Variants in ETFRF1 observed in about 807,000 individuals in gnomAD.
The protein encoded by ETFRF1 is electron transfer flavoprotein regulatory factor 1.
A neutral mutation model predicts 9.0 loss-of-function variants in ETFRF1; 12 were observed. That is an observed-to-expected ratio of 1.34 (90% CI 0.86 to 2.16). The LOEUF (loss-of-function observed/expected upper bound fraction) is 2.16. Ranked by LOEUF, ETFRF1 falls within the 30% of genes most tolerant of loss-of-function variation. The pLI is 0.00. For synonymous variants in ETFRF1, 34 were observed against 33.2 expected, an observed-to-expected ratio of 1.02 and a Z score of -0.08; for missense variants, 98 against 101.8, an observed-to-expected ratio of 0.96 and a Z score of 0.16.
chr12:25,200,987 C>T (rs1224296438), intron 1 of ETFRF1, among the ~76,000 whole-genome samples: 2 of 152,212 alleles, frequency 1.3e-5, no homozygotes, highest in Non-Finnish European at 2.9e-5. Context: ...ACATTATGCC[C>T]AGGCAAGCCT....
At chr12:25,204,060 G>A in intron 2 of ETFRF1, 31 bp from the exon 3 acceptor site, 3 of 1,547,738 alleles carry the variant, frequency 1.9e-6, no homozygotes, top group Non-Finnish European at 2.6e-6. Flanking sequence ...GACATGGATT[G>A]TTTAGAAATA....
chr12:25,202,063 C>CAAAAAAAAAAAAAAAAAAAAAAAAAAA lies in ETFRF1; in HGVS notation c.-37-1837_-37-1836insAAAAAAAAAAAAAAAAAAAAAAAAAAA, dbSNP rs149050811. On this transcript the variant is annotated intron_variant, in intron 1 of 2. Transcript: ENST00000381356. ...GTGAAACCCCGTCTCTACTGAAATA[C>CAAAAAAAAAAAAAAAAAAAAAAAAAAA]AAAAAAAAAAAAAAAAAAAATTAGC... Among the ~76,000 whole-genome samples, 16 of 52,810 alleles carry CAAAAAAAAAAAAAAAAAAAAAAAAAAA rather than the reference C, an allele frequency of 3.0e-4. 3 individuals are homozygous for CAAAAAAAAAAAAAAAAAAAAAAAAAAA. The highest frequency in any genetic ancestry group is 1.7e-3 in the South Asian group (2 of 1,168). The allele number at this position is 52,810 out of a possible 152,430, so 34.6% of individuals were successfully genotyped here. A position where few individuals can be genotyped will look rare whatever the true frequency, so the allele number is the denominator to read the frequency against.
chr12:25,201,938 C>T (rs1292013267), intron 1 of ETFRF1, among the ~76,000 whole-genome samples: 1 of 151,400 alleles, frequency 6.6e-6, no homozygotes, highest in Non-Finnish European at 1.5e-5. Context: ...ATATAAGTTG[C>T]GGCCGGGCAC....
chr12:25,195,257 C>A lies in ETFRF1; in HGVS notation c.-118C>A, dbSNP rs1009089182. 5.9e-6 allele frequency: 4 copies of A among 675,178 alleles called. No individual in the cohort carries two copies. Among genetic ancestry groups the A allele is most frequent in the Non-Finnish European group, 7.9e-6 (3 of 378,262 alleles). The allele number at this position is 675,178 out of a possible 1,614,324, so 41.8% of individuals were successfully genotyped here. ...CCTTTACTGACAGGTTGCCCACCTCCCCCAACGCCACCCCGCTTCGCAGTA... is the reference window on the plus strand; with the variant it reads ...CCTTTACTGACAGGTTGCCCACCTCACCCAACGCCACCCCGCTTCGCAGTA... On this transcript the variant is annotated 5_prime_UTR_variant, in exon 1 of 3. Transcript: ENST00000381356.
chr12:25,198,739 T>C (rs1951051249), intron 1 of ETFRF1, among the ~76,000 whole-genome samples: 1 of 152,220 alleles, frequency 6.6e-6, no homozygotes, highest in Admixed American at 6.5e-5. Flanking sequence ...AGTATTAATG[T>C]AGAAGTATTT....
chr12:25,204,477 TCAG>T lies in ETFRF1; in HGVS notation c.*168_*170del, dbSNP rs1951110141. The T allele has an allele frequency of 2.1e-6, 1 of 478,256 alleles. No individual in the cohort carries two copies. Among genetic ancestry groups the T allele is most frequent in the African/African-American group, 2.0e-5 (1 of 50,010 alleles). The allele number at this position is 478,256 out of a possible 1,614,324, so 29.6% of individuals were successfully genotyped here. On this transcript the variant is annotated 3_prime_UTR_variant, in exon 3 of 3. Transcript: ENST00000381356. The stretch of plus-strand genomic sequence containing the variant: ...AACTTCTGTTCATACGGAGAAAGTA[TCAG>T]CAACTTTATGCTCAATTTTGATACA...
chr12:25,204,065 G>T (rs772582455), intron 2 of ETFRF1, 26 bp from the exon 3 acceptor site: 2 of 1,550,346 alleles, frequency 1.3e-6, no homozygotes, highest in South Asian at 2.4e-5. Context: ...GGATTGTTTA[G>T]AAATATATAA....
At chr12:25,198,451 C>CT (rs1263301158) in intron 1 of ETFRF1, among the ~76,000 whole-genome samples, 2 of 152,008 alleles carry the variant, frequency 1.3e-5, no homozygotes, top group African/African-American at 2.4e-5. Flanking sequence ...ATCTAAAAAG[C>CT]TTTTTTGTCT....
chr12:25,204,199 G>T lies in ETFRF1; in HGVS notation c.160G>T (p.Glu54Ter). 1.9e-6 allele frequency: 3 copies of T among 1,613,158 alleles called. No homozygotes were observed. Among genetic ancestry groups the T allele is most frequent in the Non-Finnish European group, 1.7e-6 (2 of 1,179,578 alleles). Residue 54 changes from glutamate to a stop codon, truncating the protein, a stop_gained, in exon 3 of 3, where the codon GAA becomes TAA. Transcript: ENST00000381356. LOFTEE classifies it high-confidence loss of function. Reference protein sequence around the residue: ...KDVKNPEKIKELIAQGEFVMK... With the variant: ...KDVKNPEKIK ...TGTGAAGAATCCAGAGAAGATCAAA[G>T]AACTTATTGCACAGGGCGAATTTGT...
chr12:25,195,310 G>T lies in ETFRF1; in HGVS notation c.-65G>T. ...CGGACAGAGGAGTCGTAGCGGTCGAGGCTTTTGCGGCTCCGGCGTGCCGGA... is the reference window on the plus strand; with the variant it reads ...CGGACAGAGGAGTCGTAGCGGTCGATGCTTTTGCGGCTCCGGCGTGCCGGA... On this transcript the variant is annotated 5_prime_UTR_variant, in exon 1 of 3. It adds an upstream start codon to the 5' untranslated region. Coordinates refer to ENST00000381356, the MANE Select transcript of ETFRF1 (RefSeq NM_001001660.3). 1 of 605,746 alleles carries T rather than the reference G, an allele frequency of 1.7e-6. No individual in the cohort carries two copies. Among genetic ancestry groups the T allele is most frequent in the Non-Finnish European group, 2.9e-6 (1 of 340,878 alleles). The allele number at this position is 605,746 out of a possible 1,614,324, so 37.5% of individuals were successfully genotyped here.
chr12:25,202,303 G>T (rs1415788440), intron 1 of ETFRF1, among the ~76,000 whole-genome samples: 1 of 152,010 alleles, frequency 6.6e-6, no homozygotes, highest in African/African-American at 2.4e-5. Flanking sequence ...GTGGGGCTGA[G>T]CAAGGCAGGC....
intron 1 of ETFRF1, among the ~76,000 whole-genome samples, chr12:25,198,698 CT>C (rs540584729): frequency 5.5e-4 from 84 of 152,274 alleles, no homozygotes; most frequent in Non-Finnish European, 1.1e-3. Flanking sequence ...TGTGAATTAG[CT>C]CATTAACTAG....
chr12:25,195,358 GGGA>G (rs1280957017), intron 1 of ETFRF1, 21 bp downstream of exon 1: 1 of 591,392 alleles, frequency 1.7e-6, no homozygotes, highest in Non-Finnish European at 3.0e-6. Context: ...GCCGCCGCCG[GGGA>G]GTTTTGTTCC....
At position 25,195,239 on chromosome 12, in the gene ETFRF1, T is replaced by C; in HGVS notation, c.-136T>C. 1 of 755,992 alleles carries C rather than the reference T, an allele frequency of 1.3e-6. No homozygotes were observed. Among genetic ancestry groups the C allele is most frequent in the Non-Finnish European group, 2.3e-6 (1 of 437,976 alleles). 46.8% of individuals were successfully genotyped at this position (755,992 alleles called of 1,614,324 possible). ...CCGGCCGGCGCCCCGCCCCCTTTAC[T>C]GACAGGTTGCCCACCTCCCCCAACG... On this transcript the variant is annotated 5_prime_UTR_variant, in exon 1 of 3. Coordinates refer to ENST00000381356, the MANE Select transcript of ETFRF1 (RefSeq NM_001001660.3).
At position 25,201,262 on chromosome 12, in the gene ETFRF1, C is replaced by T. The variant is rs757900530; in HGVS notation, c.-37-2658C>T. On this transcript the variant is annotated intron_variant, in intron 1 of 2. Coordinates refer to ENST00000381356, the MANE Select transcript of ETFRF1 (RefSeq NM_001001660.3). The stretch of plus-strand genomic sequence containing the variant: ...TCCACATGCTTCAGTTGTGAGGAGC[C>T]CAGTATTCACTCATGACATTGCAAA... Among the ~76,000 whole-genome samples the T allele has an allele frequency of 1.8e-4, 28 of 152,228 alleles. 1 individual carries two copies. Among genetic ancestry groups the T allele is most frequent in the Non-Finnish European group, 4.4e-5 (3 of 68,006 alleles).
intron 1 of ETFRF1, among the ~76,000 whole-genome samples, chr12:25,200,758 A>AAACAGAAACAAAAACAAAAAAGTGTT (rs1951067956): frequency 6.6e-6 from 1 of 152,196 alleles, no homozygotes; most frequent in Admixed American, 6.5e-5. Flanking sequence ...CAAAAATAAA[A>AAACAGAAACAAAAACAAAAAAGTGTT]CCAGGAAATG....
intron 1 of ETFRF1, among the ~76,000 whole-genome samples, chr12:25,198,046 T>A (rs895856956): frequency 2.6e-5 from 4 of 152,146 alleles, no homozygotes; most frequent in African/African-American, 9.7e-5. Context: ...CTCTGCAGAA[T>A]TCTCAAAAGG....
intron 1 of ETFRF1, among the ~76,000 whole-genome samples, chr12:25,202,902 G>A (rs763331162): frequency 6.6e-5 from 10 of 152,098 alleles, no homozygotes; most frequent in Non-Finnish European, 1.0e-4. Context: ...ACCTAAATCC[G>A]TATGTATATA....
chr12:25,204,571 A>AATAC lies in ETFRF1; in HGVS notation c.*261_*264dup, dbSNP rs1361234131. 3 of 295,598 alleles carry AATAC rather than the reference A, an allele frequency of 1.0e-5. No homozygotes were observed. Among genetic ancestry groups the AATAC allele is most frequent in the African/African-American group, 6.5e-5 (3 of 46,488 alleles). 18.3% of individuals were successfully genotyped at this position (295,598 alleles called of 1,614,324 possible). ...AGCACCCAATTTTGAATGAAAATAT[A>AATAC]ATACACTTAATCCTCTAACTTAATA... On this transcript the variant is annotated 3_prime_UTR_variant, in exon 3 of 3. Coordinates refer to ENST00000381356, the MANE Select transcript of ETFRF1 (RefSeq NM_001001660.3).
Sources: gnomAD v4.1 joint callset for allele counts (sites outside exome capture counted in the v4.1 genomes callset) on GRCh38, gnomAD v4.1.1 for gene constraint, MANE v1.5 for transcripts, NCBI Gene and HGNC (gene_info 2026-07-23, HGNC 2026-07-21) for gene names.